The following STXBP5L variants were observed in gnomAD, a reference collection of about 807,000 sequenced individuals.
STXBP5L encodes syntaxin binding protein 5L, also known as syntaxin-binding protein 5-like.
In STXBP5L, 65 loss-of-function variants were observed where a neutral mutation model predicts 144.5. The observed-to-expected ratio is 0.45, with a 90% confidence interval of 0.37 to 0.55. The LOEUF (loss-of-function observed/expected upper bound fraction) is 0.55. Among genes scored for constraint, STXBP5L ranks in the 20% least tolerant of loss-of-function variants. STXBP5L has a pLI of 0.00. For missense variants in STXBP5L, 1,298 were observed against 1,405.5 expected (o/e 0.92, Z 1.22); for synonymous variants, 505 against 469.6 (o/e 1.08, Z -0.97).
chr3:121,349,721 T>C (rs1283294912), intron 20 of STXBP5L, among the ~76,000 whole-genome samples: 1 of 152,136 alleles, frequency 6.6e-6, no homozygotes, highest in Non-Finnish European at 1.5e-5. Context: ...ATGGTCTTCT[T>C]TGTCTCTTTA....
At chr3:121,409,328 AGAG>A (rs773458330) in intron 23 of STXBP5L, among the ~76,000 whole-genome samples, 13 of 152,050 alleles carry the variant, frequency 8.5e-5, no homozygotes, top group Middle Eastern at 3.4e-3. Flanking sequence ...TTAAATAAAA[AGAG>A]AAGAATATTA....
chr3:121,091,349 G>A (rs1306764361), intron 5 of STXBP5L, among the ~76,000 whole-genome samples: 8 of 149,162 alleles, frequency 5.4e-5, no homozygotes, highest in South Asian at 2.1e-4. Flanking sequence ...CTGAGGAATC[G>A]CCACACTGAC....
intron 17 of STXBP5L, 103 bp from the exon 18 acceptor site, chr3:121,258,940 T>C: frequency 8.5e-7 from 1 of 1,170,266 alleles, no homozygotes; most frequent in Non-Finnish European, 1.1e-6. Context: ...CTGCAATGCC[T>C]GGTGTTGTAT....
chr3:121,192,912 G>A (rs760056751), intron 9 of STXBP5L, among the ~76,000 whole-genome samples: 2 of 152,070 alleles, frequency 1.3e-5, no homozygotes, highest in African/African-American at 4.8e-5. Flanking sequence ...ATAGGCATGG[G>A]CAAGGACTTC....
intron 15 of STXBP5L, among the ~76,000 whole-genome samples, chr3:121,251,997 G>A (rs2050041113): frequency 6.6e-6 from 1 of 152,070 alleles, no homozygotes; most frequent in African/African-American, 2.4e-5. Flanking sequence ...GTTTGTTCCT[G>A]GAACAAAATT....
intron 5 of STXBP5L, among the ~76,000 whole-genome samples, chr3:121,086,615 T>C (rs773786854): frequency 4.6e-5 from 7 of 152,074 alleles, no homozygotes; most frequent in Non-Finnish European, 7.4e-5. Context: ...CAGAAGTGTT[T>C]TGGATTTTAG....
chr3:121,044,158 C>A (rs755340846), intron 4 of STXBP5L, among the ~76,000 whole-genome samples: 2 of 152,090 alleles, frequency 1.3e-5, no homozygotes, highest in African/African-American at 4.8e-5. Flanking sequence ...ATATATACAT[C>A]TTTGAACATG....
intron 5 of STXBP5L, among the ~76,000 whole-genome samples, chr3:121,109,380 T>A (rs184704923): frequency 1.2e-3 from 178 of 152,316 alleles, no homozygotes; most frequent in African/African-American, 4.2e-3. Context: ...TAAATTTCCC[T>A]CTTAACACTG....
At chr3:121,146,838 G>T (rs997063039) in intron 7 of STXBP5L, among the ~76,000 whole-genome samples, 3 of 152,012 alleles carry the variant, frequency 2.0e-5, no homozygotes, top group Non-Finnish European at 2.9e-5. Context: ...TATACAGGTA[G>T]TGCTTACTTT....
intron 3 of STXBP5L, among the ~76,000 whole-genome samples, chr3:121,035,346 A>G (rs1946678015): frequency 6.6e-6 from 1 of 152,060 alleles, no homozygotes; most frequent in African/African-American, 2.4e-5. Context: ...GTTTGAGGTC[A>G]TACATTTAAG....
chr3:121,351,297 G>T (rs2045271098), intron 20 of STXBP5L, among the ~76,000 whole-genome samples: 1 of 152,072 alleles, frequency 6.6e-6, no homozygotes, highest in African/African-American at 2.4e-5. Context: ...AGCAAATGTG[G>T]CTGCCTGATT....
intron 3 of STXBP5L, among the ~76,000 whole-genome samples, chr3:121,029,208 G>C (rs1002536438): frequency 6.6e-6 from 1 of 152,112 alleles, no homozygotes; most frequent in Admixed American, 6.6e-5. Flanking sequence ...CCAAAAAAGA[G>C]CCCATATAGC....
chr3:120,994,946 T>G (rs538967857), intron 3 of STXBP5L, among the ~76,000 whole-genome samples: 1 of 152,240 alleles, frequency 6.6e-6, no homozygotes, highest in Non-Finnish European at 1.5e-5. Flanking sequence ...TGATTCAATC[T>G]TGTTATCCAT....
At chr3:121,045,392 A>G (rs749966198) in intron 4 of STXBP5L, 43 bp from the exon 5 acceptor site, 1 of 1,542,860 alleles carries the variant, frequency 6.5e-7, no homozygotes, top group Admixed American at 2.0e-5. Context: ...AAAACCCTAA[A>G]TTAAGTAAAT....
At chr3:121,053,910 C>G (rs545192438) in intron 5 of STXBP5L, among the ~76,000 whole-genome samples, 3 of 151,982 alleles carry the variant, frequency 2.0e-5, no homozygotes, top group African/African-American at 7.3e-5. Context: ...AACAAACAAC[C>G]CCATCAAAAA....
chr3:121,320,992 C>T (rs903798348), intron 20 of STXBP5L, among the ~76,000 whole-genome samples: 1 of 152,186 alleles, frequency 6.6e-6, no homozygotes, highest in Non-Finnish European at 1.5e-5. Context: ...AGCCACCGTG[C>T]CCGGCCCACA....
At chr3:120,958,744 G>A (rs1219978231) in intron 3 of STXBP5L, among the ~76,000 whole-genome samples, 4 of 152,022 alleles carry the variant, frequency 2.6e-5, no homozygotes, top group Non-Finnish European at 5.9e-5. Flanking sequence ...AGGTATTGAT[G>A]GGACGTATCT....
chr3:121,225,490 C>A (rs935629752), intron 11 of STXBP5L, among the ~76,000 whole-genome samples: 9 of 152,030 alleles, frequency 5.9e-5, no homozygotes, highest in African/African-American at 9.7e-5. Context: ...GTACAAAATT[C>A]TTTCCCAGGA....
At chr3:120,932,460 T>A (rs1471798040) in intron 2 of STXBP5L, among the ~76,000 whole-genome samples, 1 of 152,200 alleles carries the variant, frequency 6.6e-6, no homozygotes, top group Non-Finnish European at 1.5e-5. Context: ...CTGAGAGTAG[T>A]TCAACCCAGC....
Sources: gnomAD v4.1 joint callset for allele counts (sites outside exome capture counted in the v4.1 genomes callset) on GRCh38, gnomAD v4.1.1 for gene constraint, MANE v1.5 for transcripts, NCBI Gene and HGNC (gene_info 2026-07-23, HGNC 2026-07-21) for gene names.